The following KCNMA1 variants were observed in gnomAD, a reference collection of about 807,000 sequenced individuals.
KCNMA1 encodes the protein Calcium-activated potassium channel subunit alpha-1.
KCNMA1 carries 29 observed loss-of-function variants against 140.0 expected under a neutral mutation model. That is an observed-to-expected ratio of 0.21 (90% CI 0.15 to 0.28). The LOEUF is 0.28. Ranked by LOEUF, KCNMA1 falls within the 10% of genes least tolerant of loss-of-function variation. The pLI, the probability that KCNMA1 is intolerant of heterozygous loss-of-function variation, is 1.00. For missense variants in KCNMA1, 880 were observed against 1,602.2 expected (o/e 0.55, Z 7.70); for synonymous variants, 612 against 611.9 (o/e 1.00, Z 0.00).
intron 1 of KCNMA1, among the ~76,000 whole-genome samples, chr10:77,486,964 G>A (rs565863800): frequency 5.9e-5 from 9 of 152,310 alleles, no homozygotes; most frequent in East Asian, 3.9e-4. Context: ...CTAAGCATCC[G>A]CTCAGGACCA....
chr10:77,188,109 G>A (rs2098894984), intron 3 of KCNMA1, among the ~76,000 whole-genome samples: 1 of 152,086 alleles, frequency 6.6e-6, no homozygotes, highest in African/African-American at 2.4e-5. Context: ...AAAGTAGGAG[G>A]AGTTTCCTTG....
chr10:77,544,416 A>T (rs918788094), intron 1 of KCNMA1, among the ~76,000 whole-genome samples: 7 of 152,116 alleles, frequency 4.6e-5, no homozygotes, highest in Non-Finnish European at 1.0e-4. Flanking sequence ...TCCAAAAATC[A>T]CTCCTGAGAA....
intron 5 of KCNMA1, among the ~76,000 whole-genome samples, chr10:77,135,326 C>T (rs879507083): frequency 2.0e-5 from 3 of 151,980 alleles, no homozygotes; most frequent in Non-Finnish European, 4.4e-5. Context: ...GGGTTATTAT[C>T]GAAAAGACAA....
At chr10:77,013,250 T>C (rs1318365946) in intron 17 of KCNMA1, among the ~76,000 whole-genome samples, 2 of 152,146 alleles carry the variant, frequency 1.3e-5, no homozygotes, top group African/African-American at 4.8e-5. Context: ...GCAGCCTAAA[T>C]CTCTGGGACT....
rs767741598 is a variant in KCNMA1, at chr10:77,637,249, C to A, written c.378+16G>T. ...TGGGGCTGGCGCAGAGGGCGGGCGC[C>A]CGGGGCGCGCGTTACCTTCGTCTTG... On this transcript the variant is annotated intron_variant, in intron 1 of 27. Transcript: ENST00000286628. 1 of 1,591,496 alleles carries A rather than the reference C, an allele frequency of 6.3e-7. No homozygotes were observed. Among genetic ancestry groups the A allele is most frequent in the Non-Finnish European group, 8.6e-7 (1 of 1,166,686 alleles).
chr10:77,538,984 G>C (rs1392942219), intron 1 of KCNMA1, among the ~76,000 whole-genome samples: 1 of 152,170 alleles, frequency 6.6e-6, no homozygotes, highest in Non-Finnish European at 1.5e-5. Flanking sequence ...GCAGTAACCT[G>C]TCTCCTTCAT....
intron 2 of KCNMA1, among the ~76,000 whole-genome samples, chr10:77,386,829 G>C (rs193274083): frequency 2.4e-3 from 361 of 152,264 alleles, no homozygotes; most frequent in Non-Finnish European, 4.3e-3. Context: ...GAGGCAAAAT[G>C]TATTTATCTC....
intron 3 of KCNMA1, among the ~76,000 whole-genome samples, chr10:77,203,792 A>T (rs1396354205): frequency 6.6e-6 from 1 of 152,180 alleles, no homozygotes; most frequent in Non-Finnish European, 1.5e-5. Flanking sequence ...CCATAGTCCC[A>T]TACCAATTCA....
In KCNMA1 at chr10:77,039,464, T is replaced by C. The variant is rs77765592; in HGVS notation, c.1859+64A>G. On this transcript the variant is annotated intron_variant, in intron 15 of 27. Coordinates refer to ENST00000286628, the MANE Select transcript of KCNMA1 (RefSeq NM_001161352.2). Reference sequence around the variant, plus strand: ...CTGTACCCAGCAGAGGTGGGAGGCTTCCTTGCAAGGGGCACATTCAATATC... The same window carrying C: ...CTGTACCCAGCAGAGGTGGGAGGCTCCCTTGCAAGGGGCACATTCAATATC... The C allele has an allele frequency of 1.7e-3, 1,639 of 964,550 alleles. 16 individuals are homozygous for C. The African/African-American group carries it at 0.024, about 14-fold the overall frequency. The allele number at this position is 964,550 out of a possible 1,614,324, so 59.7% of individuals were successfully genotyped here. A position where few individuals can be genotyped will look rare whatever the true frequency, so the allele number is the denominator to read the frequency against.
intron 5 of KCNMA1, among the ~76,000 whole-genome samples, chr10:77,171,424 TG>T (rs1357304340): frequency 1.4e-5 from 2 of 146,580 alleles, no homozygotes; most frequent in African/African-American, 5.5e-5. Context: ...TGTGTGTGTG[TG>T]TGTGTGTGTG....
intron 1 of KCNMA1, among the ~76,000 whole-genome samples, chr10:77,450,454 T>A (rs967327945): frequency 1.3e-5 from 2 of 152,198 alleles, no homozygotes; most frequent in Non-Finnish European, 2.9e-5. Flanking sequence ...ATCTAAGTTT[T>A]CAGAATAACA....
chr10:76,980,573 G>A (rs1340540923), intron 19 of KCNMA1: 1 of 152,140 alleles, frequency 6.6e-6, no homozygotes, highest in Non-Finnish European at 1.5e-5. Flanking sequence ...CTTTAAGTCT[G>A]AAGATTGTCC....
intron 2 of KCNMA1, among the ~76,000 whole-genome samples, chr10:77,285,055 T>G (rs1011983663): frequency 6.6e-6 from 1 of 152,234 alleles, no homozygotes; most frequent in African/African-American, 2.4e-5. Context: ...ATTAACAGTT[T>G]GTAAAATGAG....
chr10:77,121,496 A>G (rs2097593245), intron 5 of KCNMA1, among the ~76,000 whole-genome samples: 1 of 151,952 alleles, frequency 6.6e-6, no homozygotes, highest in African/African-American at 2.4e-5. Flanking sequence ...TTTTATCTTT[A>G]TCTTCAGCCC....
intron 26 of KCNMA1, among the ~76,000 whole-genome samples, chr10:76,891,241 TC>T (rs1427469573): frequency 1.3e-5 from 2 of 152,184 alleles, no homozygotes; most frequent in Non-Finnish European, 2.9e-5. Context: ...TGGTGCAAAT[TC>T]CCAATAGGTC....
chr10:77,427,002 T>C (rs2097017974), intron 1 of KCNMA1, among the ~76,000 whole-genome samples: 1 of 152,256 alleles, frequency 6.6e-6, no homozygotes, highest in African/African-American at 2.4e-5. Context: ...TCCTGTATTT[T>C]TTAACATTGA....
At chr10:77,386,040 T>G (rs900551048) in intron 2 of KCNMA1, among the ~76,000 whole-genome samples, 1 of 152,198 alleles carries the variant, frequency 6.6e-6, no homozygotes, top group African/African-American at 2.4e-5. Context: ...TCCCCGAGTT[T>G]CCCACCAAAA....
At chr10:77,367,457 G>A (rs967637238) in intron 2 of KCNMA1, among the ~76,000 whole-genome samples, 1 of 152,162 alleles carries the variant, frequency 6.6e-6, no homozygotes, top group African/African-American at 2.4e-5. Context: ...GTGTTCCCAA[G>A]AGCCCCAGCA....
chr10:77,390,100 G>T (rs1346126296), intron 2 of KCNMA1, among the ~76,000 whole-genome samples: 1 of 152,176 alleles, frequency 6.6e-6, no homozygotes, highest in African/African-American at 2.4e-5. Context: ...CAGTGAAGGG[G>T]ATAAGAAAAC....
Sources: allele counts gnomAD v4.1 joint callset (sites outside exome capture counted in the v4.1 genomes callset), GRCh38; gene constraint gnomAD v4.1.1; transcripts MANE v1.5; gene names NCBI Gene and HGNC (gene_info 2026-07-23, HGNC 2026-07-21).